DEFB125: variants seen among roughly 807,000 people sequenced by gnomAD.
DEFB125 encodes the protein beta-defensin 125.
A neutral mutation model predicts 11.8 loss-of-function variants in DEFB125; 11 were observed. That is an observed-to-expected ratio of 0.94 (90% CI 0.59 to 1.55). The LOEUF is 1.55. DEFB125 is among the 40% of genes most tolerant of loss of function. DEFB125 has a pLI of 0.00. For missense variants in DEFB125, 198 were observed against 191.2 expected, an observed-to-expected ratio of 1.04 and a Z score of -0.21; for synonymous variants, 79 against 66.7, an observed-to-expected ratio of 1.18 and a Z score of -0.90.
chr20:93,043 T>C (rs576243571), intron 1 of DEFB125, among the ~76,000 whole-genome samples: 2 of 151,398 alleles, frequency 1.3e-5, no homozygotes, highest in Admixed American at 6.6e-5. Context: ...CAATCTTGGC[T>C]TACTGCAACC....
chr20:94,020 C>T (rs2054505793), intron 1 of DEFB125, among the ~76,000 whole-genome samples: 1 of 152,008 alleles, frequency 6.6e-6, no homozygotes, highest in Admixed American at 6.5e-5. Flanking sequence ...TTTCATTCTT[C>T]AAGGTTTTTC....
Position 96,439 on chromosome 20 carries a change from G to A in DEFB125, c.*22G>A. 6.3e-7 allele frequency: 1 copy of A among 1,586,770 alleles called. No homozygotes were observed. The highest frequency in any genetic ancestry group is 8.6e-7 in the Non-Finnish European group (1 of 1,167,830). On this transcript the variant is annotated 3_prime_UTR_variant, in exon 2 of 2. Transcript: ENST00000382410. ...TTAATTAACATTTACTTCTGGTATG[G>A]AACAACTAGAAATACTGCTGGAAAT...
At chr20:94,361 C>T (rs554200744) in intron 1 of DEFB125, among the ~76,000 whole-genome samples, 49 of 152,218 alleles carry the variant, frequency 3.2e-4, no homozygotes, top group African/African-American at 1.1e-3. Flanking sequence ...CAGTGGACCC[C>T]TTTTGGCACC....
chr20:95,959 G>A (rs369118073), intron 1 of DEFB125, 46 bp from the exon 2 acceptor site: 44 of 1,511,912 alleles, frequency 2.9e-5, no homozygotes, highest in Admixed American at 4.2e-5. Flanking sequence ...AAGTTGTTAT[G>A]TTGATGCCAG....
chr20:96,253 G>A lies in DEFB125; in HGVS notation c.307G>A (p.Asp103Asn). 1 of 1,614,010 alleles carries A rather than the reference G, an allele frequency of 6.2e-7. No homozygotes were observed. Among genetic ancestry groups the A allele is most frequent in the Non-Finnish European group, 8.5e-7 (1 of 1,179,996 alleles). Reference sequence around the variant, plus strand: ...TATGTTGAATGATCTGATAACATTTGACACAACTAAATTTGGAGAAACCAT... The same window carrying A: ...TATGTTGAATGATCTGATAACATTTAACACAACTAAATTTGGAGAAACCAT... ...VSMLNDLITF[D>N]TTKFGETMTP... The change falls in exon 2 of 2, where the codon GAC becomes AAC. Residue 103 changes from aspartate (D) to asparagine (N), a missense_variant. By Grantham distance (23) the Asp-to-Asn change is conservative. Transcript: ENST00000382410.
In DEFB125 at chr20:96,196, G is replaced by A; in HGVS notation, c.250G>A (p.Asp84Asn). The A allele has an allele frequency of 6.2e-7, 1 of 1,614,166 alleles. No individual in the cohort carries two copies. The highest frequency in any genetic ancestry group is 8.5e-7 in the Non-Finnish European group (1 of 1,180,028). The change falls in exon 2 of 2, where the codon GAT becomes AAT. Residue 84 changes from aspartate to asparagine, a missense_variant. Physicochemically the swap from Asp to Asn is conservative, Grantham distance 23. Coordinates refer to ENST00000382410, the MANE Select transcript of DEFB125 (RefSeq NM_153325.4). The stretch of plus-strand genomic sequence containing the variant: ...AGAGGATATAACATTGGATTATAGT[G>A]ATGTGGACTCTTTTACTGGTTCCCC... ...HLEDITLDYS[D>N]VDSFTGSPVS... is the part of the protein sequence containing the mutation.
intron 1 of DEFB125, 140 bp from the exon 2 acceptor site, chr20:95,862 TCTC>T: frequency 2.8e-6 from 2 of 702,992 alleles, no homozygotes; most frequent in Non-Finnish European, 4.5e-6. Context: ...CACTTTTTGT[TCTC>T]CTGTTTGTCT....
rs1319399642 is a variant in DEFB125 at position 96,557 on chromosome 20, C to T, written c.*140C>T. On this transcript the variant is annotated 3_prime_UTR_variant, in exon 2 of 2. Transcript: ENST00000382410. The stretch of plus-strand genomic sequence containing the variant: ...ATGGGGATGGACATAATTGCTACTA[C>T]CAACACAACAGCCAAGAGAGTTGCC... The T allele has an allele frequency of 9.1e-6, 9 of 991,404 alleles. No homozygotes were observed. The highest frequency in any genetic ancestry group is 1.0e-5 in the Non-Finnish European group (7 of 677,374). The allele number at this position is 991,404 out of a possible 1,614,324, so 61.4% of individuals were successfully genotyped here.
At chr20:92,855 A>G (rs965709030) in intron 1 of DEFB125, among the ~76,000 whole-genome samples, 5 of 152,070 alleles carry the variant, frequency 3.3e-5, no homozygotes, top group African/African-American at 1.2e-4. Context: ...CCCCTTTGCC[A>G]TAAATGGAGA....
At chr20:91,004 CT>C (rs768847821) in intron 1 of DEFB125, among the ~76,000 whole-genome samples, 3 of 152,096 alleles carry the variant, frequency 2.0e-5, no homozygotes, top group East Asian at 3.9e-4. Context: ...AAATAATGTA[CT>C]TTTTTATTAA....
At chr20:95,918 G>A in intron 1 of DEFB125, 87 bp from the exon 2 acceptor site, 3 of 1,239,788 alleles carry the variant, frequency 2.4e-6, no homozygotes, top group South Asian at 3.1e-5. Context: ...TAGTCTAGAT[G>A]TCAGTCAGTG....
chr20:92,435 C>G (rs1307329013), intron 1 of DEFB125, among the ~76,000 whole-genome samples: 2 of 151,146 alleles, frequency 1.3e-5, no homozygotes, highest in Admixed American at 1.3e-4. Context: ...TCTCTGTCAC[C>G]AGGCTGGACT....
intron 1 of DEFB125, among the ~76,000 whole-genome samples, chr20:88,308 A>G (rs1003364609): frequency 9.2e-5 from 14 of 152,168 alleles, no homozygotes; most frequent in Non-Finnish European, 1.5e-5. Flanking sequence ...GACAGGATAG[A>G]CAGACTAGTG....
At chr20:93,991 T>C (rs2122978185) in intron 1 of DEFB125, among the ~76,000 whole-genome samples, 1 of 152,318 alleles carries the variant, frequency 6.6e-6, no homozygotes, top group Middle Eastern at 3.4e-3. Context: ...TTCAAGGTTT[T>C]TACTGTAACT....
At chr20:89,111 A>C (rs778604636) in intron 1 of DEFB125, among the ~76,000 whole-genome samples, 1 of 152,184 alleles carries the variant, frequency 6.6e-6, no homozygotes, top group Non-Finnish European at 1.5e-5. Context: ...CCAGTCCATT[A>C]GATTTCTAAA....
chr20:88,559 C>CTA (rs1320971447), intron 1 of DEFB125, among the ~76,000 whole-genome samples: 1 of 152,036 alleles, frequency 6.6e-6, no homozygotes, highest in Non-Finnish European at 1.5e-5. Context: ...CTTATATATC[C>CTA]TAGCAAATAC....
chr20:95,440 T>C (rs556393921), intron 1 of DEFB125, among the ~76,000 whole-genome samples: 97 of 152,310 alleles, frequency 6.4e-4, no homozygotes, highest in African/African-American at 2.2e-3. Flanking sequence ...GGCTACTTGA[T>C]CGTAGTGGAT....
At chr20:92,395 C>CTTT (rs11483976) in intron 1 of DEFB125, among the ~76,000 whole-genome samples, 69 of 137,596 alleles carry the variant, frequency 5.0e-4, no homozygotes, top group African/African-American at 1.8e-3. Flanking sequence ...AACCTTCCTT[C>CTTT]TTTTTTTTTT....
Position 96,321 on chromosome 20 carries a change from T to G in DEFB125, c.375T>G (p.Ser125=). Residue 125 remains serine, a synonymous_variant, in exon 2 of 2, where the codon TCT becomes TCG. Coordinates refer to ENST00000382410, the MANE Select transcript of DEFB125 (RefSeq NM_153325.4). ...TNTPETTMPP[S]EATTPETTMP... ...CTCCTGAGACTACTATGCCACCATC[T>G]GAGGCCACTACTCCCGAGACTACTA... 1.9e-6 allele frequency: 3 copies of G among 1,613,926 alleles called. No homozygotes were observed. Among genetic ancestry groups the G allele is most frequent in the Non-Finnish European group, 2.5e-6 (3 of 1,179,976 alleles).
Sources: gnomAD v4.1 joint callset for allele counts (sites outside exome capture counted in the v4.1 genomes callset) on GRCh38, gnomAD v4.1.1 for gene constraint, MANE v1.5 for transcripts, NCBI Gene and HGNC (gene_info 2026-07-23, HGNC 2026-07-21) for gene names.